TIMP2: variants seen among roughly 807,000 people sequenced by gnomAD.
The protein encoded by TIMP2 is metalloproteinase inhibitor 2.
In TIMP2, 5 loss-of-function variants were observed where a neutral mutation model predicts 24.3. That is an observed-to-expected ratio of 0.21 (90% CI 0.11 to 0.43). The LOEUF (loss-of-function observed/expected upper bound fraction) is 0.43, where lower values mean the gene tolerates loss of function less well. TIMP2 is among the 20% of genes least tolerant of loss of function. The pLI is 1.00. For synonymous variants in TIMP2, 130 were observed against 123.2 expected, an observed-to-expected ratio of 1.06 and a Z score of -0.37; for missense variants, 221 against 297.5, an observed-to-expected ratio of 0.74 and a Z score of 1.89.
intron 1 of TIMP2, among the ~76,000 whole-genome samples, chr17:78,902,297 G>A (rs149587239): frequency 6.3e-4 from 96 of 152,312 alleles, no homozygotes; most frequent in East Asian, 5.6e-3. Context: ...TAGTAGAGAC[G>A]GGGATTCACC....
intron 3 of TIMP2, among the ~76,000 whole-genome samples, chr17:78,858,464 A>C (rs1429241551): frequency 2.6e-5 from 4 of 151,990 alleles, no homozygotes; most frequent in Non-Finnish European, 4.4e-5. Context: ...AAAAAAGAAA[A>C]GAAAAAAATT....
intron 1 of TIMP2, among the ~76,000 whole-genome samples, chr17:78,895,586 A>C (rs550959717): frequency 2.0e-5 from 3 of 152,362 alleles, no homozygotes; most frequent in Non-Finnish European, 2.9e-5. Context: ...TTTCTTAAAA[A>C]GGGAAACACA....
chr17:78,882,260 C>T (rs1310761083), intron 1 of TIMP2, among the ~76,000 whole-genome samples: 1 of 152,258 alleles, frequency 6.6e-6, no homozygotes, highest in Non-Finnish European at 1.5e-5. Flanking sequence ...GCGTGAGCCA[C>T]CTGGCCCGGC....
intron 1 of TIMP2, among the ~76,000 whole-genome samples, chr17:78,922,772 T>C (rs1408749122): frequency 6.6e-6 from 1 of 152,042 alleles, no homozygotes; most frequent in East Asian, 1.9e-4. Flanking sequence ...CGAGCCGAGA[T>C]TGCGCCATTG....
Position 78,891,376 on chromosome 17 carries a change from C to A in TIMP2, c.131-17457G>T. 6.4e-7 allele frequency: 1 copy of A among 1,550,638 alleles called. No individual in the cohort carries two copies. The highest frequency in any genetic ancestry group is 8.7e-7 in the Non-Finnish European group (1 of 1,147,022). ...ACTCTTGCATCTCTGAGAAGGCATG[C>A]CCTTCCCCAGGTCTCTGGTCCATCC... On this transcript the variant is annotated intron_variant, in intron 1 of 4. Transcript: ENST00000262768. This position sits in a 1 kb window ranked among gnomAD's most constrained non-coding sequence, Gnocchi z 4.5.
At chr17:78,892,617 G>T in intron 1 of TIMP2, 2 of 1,135,306 alleles carry the variant, frequency 1.8e-6, no homozygotes, top group South Asian at 1.7e-5. Context: ...CCCACTCTCA[G>T]CCTCCCAATT....
intron 1 of TIMP2, among the ~76,000 whole-genome samples, chr17:78,892,973 A>C (rs2069925066): frequency 6.6e-6 from 1 of 152,146 alleles, no homozygotes; most frequent in African/African-American, 2.4e-5. Flanking sequence ...GTGGAAGTAA[A>C]AGAGGAAGTC....
chr17:78,893,859 T>C (rs2069957662), intron 1 of TIMP2, among the ~76,000 whole-genome samples: 1 of 152,122 alleles, frequency 6.6e-6, no homozygotes, highest in Non-Finnish European at 1.5e-5. Flanking sequence ...GAGGGGCATT[T>C]ACACCAAAAC....
chr17:78,894,233 A>C (rs74816890), intron 1 of TIMP2, among the ~76,000 whole-genome samples: 1,831 of 152,122 alleles, frequency 0.012, 28 homozygotes, highest in African/African-American at 0.042. Context: ...AGGCAGGCAG[A>C]GATGAAGATG....
chr17:78,886,166 C>T (rs1449973360), intron 1 of TIMP2, among the ~76,000 whole-genome samples: 1 of 152,132 alleles, frequency 6.6e-6, no homozygotes, highest in Admixed American at 6.6e-5. Flanking sequence ...TGTGACCGTC[C>T]GGGCAGAGAT....
In TIMP2 at chr17:78,918,605, C is replaced by T. The variant is rs570809746; in HGVS notation, c.130+6354G>A. On this transcript the variant is annotated intron_variant, in intron 1 of 4. Coordinates refer to ENST00000262768, the MANE Select transcript of TIMP2 (RefSeq NM_003255.5). Reference sequence around the variant, plus strand: ...CTCATCTGCCTGCTTACTCCACCCCCCGACACTGAGGTGGTCAGCCTCCAC... The same window carrying T: ...CTCATCTGCCTGCTTACTCCACCCCTCGACACTGAGGTGGTCAGCCTCCAC... Among the ~76,000 whole-genome samples the T allele has an allele frequency of 9.2e-5, 14 of 152,328 alleles. No homozygotes were observed. In the South Asian group the frequency reaches 2.7e-3, roughly 29 times the overall value.
At position 78,883,229 on chromosome 17, in the gene TIMP2, G is replaced by A. The variant is rs1032378848; in HGVS notation, c.131-9310C>T. Reference sequence around the variant, plus strand: ...CACCATAGGAGCACACTGGACATCCGTCCCCAGTTGAGGGTGTAGACACCG... The same window carrying A: ...CACCATAGGAGCACACTGGACATCCATCCCCAGTTGAGGGTGTAGACACCG... On this transcript the variant is annotated intron_variant, in intron 1 of 4. Coordinates refer to ENST00000262768, the MANE Select transcript of TIMP2 (RefSeq NM_003255.5). Among the ~76,000 whole-genome samples, 5 of 152,194 alleles carry A rather than the reference G, an allele frequency of 3.3e-5. No individual in the cohort carries two copies. The South Asian group carries it at 6.2e-4, about 19-fold the overall frequency.
Position 78,915,046 on chromosome 17 carries a change from G to A in TIMP2, c.130+9913C>T, listed in dbSNP as rs892408367. Among the ~76,000 whole-genome samples, 7 of 151,340 alleles carry A rather than the reference G, an allele frequency of 4.6e-5. No homozygotes were observed. In the East Asian group the frequency reaches 7.8e-4, roughly 17 times the overall value. On this transcript the variant is annotated intron_variant, in intron 1 of 4. Transcript: ENST00000262768. ...TGAGTAGCTGGGATTACAGGTGCCCGCCACCACGCCCAGCTAATTTTTGTA... is the reference window on the plus strand; with the variant it reads ...TGAGTAGCTGGGATTACAGGTGCCCACCACCACGCCCAGCTAATTTTTGTA...
chr17:78,871,186 T>C (rs1229785263), intron 2 of TIMP2, among the ~76,000 whole-genome samples, 180 bp from the exon 3 acceptor site: 1 of 152,106 alleles, frequency 6.6e-6, no homozygotes, highest in Non-Finnish European at 1.5e-5. Flanking sequence ...GGCTCAGGGC[T>C]CATGGCTGTA....
intron 1 of TIMP2, among the ~76,000 whole-genome samples, chr17:78,900,363 T>C (rs1477642389): frequency 6.6e-6 from 1 of 151,998 alleles, no homozygotes; most frequent in East Asian, 1.9e-4. Flanking sequence ...CTGACCAACG[T>C]GGTGAAACCT....
intron 1 of TIMP2, among the ~76,000 whole-genome samples, chr17:78,889,215 G>A (rs1460481573): frequency 6.6e-6 from 1 of 152,212 alleles, no homozygotes; most frequent in East Asian, 1.9e-4. Context: ...GTTGATCCCT[G>A]TGCCTGTCCC....
chr17:78,925,041 C>G lies in TIMP2; in HGVS notation c.48G>C (p.Leu16=), dbSNP rs1228875259. ...RTLRLALGLL[L]LATLLRPADA... is the part of the protein sequence containing the mutation. ...CGGCCGGGCGAAGCAGCGTCGCCAG[C>G]AGCAGGAGGCCGAGCGCCAGCCGCA... Residue 16 remains leucine (L), a synonymous_variant, in exon 1 of 5, where the codon CTG becomes CTC. Transcript: ENST00000262768. The G allele has an allele frequency of 8.2e-7, 1 of 1,226,544 alleles. No individual in the cohort carries two copies. Among genetic ancestry groups the G allele is most frequent in the Non-Finnish European group, 1.0e-6 (1 of 978,648 alleles). The allele number at this position is 1,226,544 out of a possible 1,614,324, so 76.0% of individuals were successfully genotyped here. A position where few individuals can be genotyped will look rare whatever the true frequency, so the allele number is the denominator to read the frequency against.
chr17:78,873,673 G>A (rs879612628), intron 2 of TIMP2, 146 bp downstream of exon 2: 23 of 605,454 alleles, frequency 3.8e-5, no homozygotes, highest in Non-Finnish European at 6.4e-5. Context: ...AAGGGAAATC[G>A]GATCTATTTG....
chr17:78,872,388 A>T (rs2069693501), intron 2 of TIMP2, among the ~76,000 whole-genome samples: 1 of 152,142 alleles, frequency 6.6e-6, no homozygotes, highest in South Asian at 2.1e-4. Flanking sequence ...GGGCCAGAAG[A>T]GTTTGCTTTC....
Sources: allele counts gnomAD v4.1 joint callset (sites outside exome capture counted in the v4.1 genomes callset), GRCh38; gene constraint gnomAD v4.1.1; non-coding constraint Gnocchi (gnomAD v3.1); transcripts MANE v1.5; gene names NCBI Gene and HGNC (gene_info 2026-07-23, HGNC 2026-07-21).